Variants in NRXN3 observed in about 807,000 individuals in gnomAD.
NRXN3 encodes neurexin 3, also known as neurexin III.
In NRXN3, 32 loss-of-function variants were observed where a neutral mutation model predicts 137.6. That is an observed-to-expected ratio of 0.23 (90% CI 0.18 to 0.31). The LOEUF (loss-of-function observed/expected upper bound fraction) is 0.31. NRXN3 is among the 10% of genes least tolerant of loss of function. The probability of loss-of-function intolerance (pLI) is 1.00; values close to 1 mark genes in which losing one functional copy is unlikely to be tolerated. For missense variants in NRXN3, 1,574 were observed against 2,062.5 expected (o/e 0.76, Z 4.59); for synonymous variants, 798 against 784.5 (o/e 1.02, Z -0.29).
At position 79,803,367 on chromosome 14, in the gene NRXN3, G is replaced by A. The variant is rs146394633; in HGVS notation, c.4015-1745G>A. Among the ~76,000 whole-genome samples the A allele has an allele frequency of 1.1e-3, 171 of 152,224 alleles. 2 individuals are homozygous for A. The highest frequency in any genetic ancestry group is 1.9e-3 in the African/African-American group (77 of 41,546). On this transcript the variant is annotated intron_variant, in intron 19 of 20. Coordinates refer to ENST00000335750, the MANE Select transcript of NRXN3 (RefSeq NM_001330195.2). ...TTAGACAATAGAAATTTATTTCCTC[G>A]AAATTCTGGAGGCTAGAAGCCTGAA...
intron 6 of NRXN3, among the ~76,000 whole-genome samples, chr14:78,705,477 C>T (rs1172860018): frequency 1.3e-5 from 2 of 152,172 alleles, no homozygotes; most frequent in East Asian, 1.9e-4. Flanking sequence ...CCCTTGCCCT[C>T]CTGTCCTTTT....
At chr14:78,181,198 T>C (rs1055912754) in intron 1 of NRXN3, among the ~76,000 whole-genome samples, 2 of 152,232 alleles carry the variant, frequency 1.3e-5, no homozygotes, top group African/African-American at 4.8e-5. Context: ...GAATAACAGC[T>C]TTCAGACTTC....
At chr14:78,179,663 G>A (rs2059601426) in intron 1 of NRXN3, among the ~76,000 whole-genome samples, 2 of 152,128 alleles carry the variant, frequency 1.3e-5, no homozygotes, top group Non-Finnish European at 2.9e-5. Flanking sequence ...CCTACTTCTT[G>A]GGTGCCAGGG....
At chr14:79,781,933 C>T (rs2099115206) in intron 19 of NRXN3, among the ~76,000 whole-genome samples, 1 of 152,168 alleles carries the variant, frequency 6.6e-6, no homozygotes, top group African/African-American at 2.4e-5. Flanking sequence ...GCCTCAAATG[C>T]TTTGAAGCAG....
chr14:78,837,875 G>A (rs1264077480), intron 10 of NRXN3, among the ~76,000 whole-genome samples: 2 of 152,120 alleles, frequency 1.3e-5, no homozygotes, highest in African/African-American at 2.4e-5. Context: ...TTAGCCTTAT[G>A]TTGGATTAGA....
At chr14:78,565,139 G>A (rs1464761700) in intron 4 of NRXN3, among the ~76,000 whole-genome samples, 1 of 152,114 alleles carries the variant, frequency 6.6e-6, no homozygotes, top group Non-Finnish European at 1.5e-5. Context: ...CTTGAACATT[G>A]AAGATGCTCA....
chr14:79,017,290 G>T (rs970337625), intron 15 of NRXN3, among the ~76,000 whole-genome samples: 1 of 151,592 alleles, frequency 6.6e-6, no homozygotes, highest in African/African-American at 2.4e-5. Flanking sequence ...CCAAGCAACT[G>T]GTTCTGTTCA....
chr14:79,118,453 T>TGTGA (rs2054841527), intron 15 of NRXN3, among the ~76,000 whole-genome samples: 1 of 152,200 alleles, frequency 6.6e-6, no homozygotes, highest in Non-Finnish European at 1.5e-5. Flanking sequence ...TAAGTGTTGA[T>TGTGA]GTGAGAGTCC....
intron 15 of NRXN3, among the ~76,000 whole-genome samples, chr14:79,434,332 C>T (rs1425543636): frequency 6.6e-6 from 1 of 151,986 alleles, no homozygotes; most frequent in Middle Eastern, 3.4e-3. Flanking sequence ...AAAAATGAGA[C>T]CAATTCTTAA....
intron 15 of NRXN3, among the ~76,000 whole-genome samples, chr14:79,320,441 A>C (rs1377980831): frequency 1.3e-5 from 2 of 152,296 alleles, no homozygotes; most frequent in African/African-American, 4.8e-5. Flanking sequence ...TATGAAGCTC[A>C]TGATGATGTC....
chr14:78,952,234 T>A (rs1016816412), intron 10 of NRXN3, among the ~76,000 whole-genome samples: 1 of 99,956 alleles, frequency 1.0e-5, no homozygotes, highest in African/African-American at 6.3e-5. Context: ...ATTTAAAATG[T>A]TTTTTTTTTC....
intron 16 of NRXN3, among the ~76,000 whole-genome samples, chr14:79,519,516 C>T (rs2097037293): frequency 6.6e-6 from 1 of 151,842 alleles, no homozygotes; most frequent in South Asian, 2.1e-4. Context: ...GTTATTTTCT[C>T]CTGTCAATAT....
At chr14:78,871,428 G>T (rs2099101074) in intron 10 of NRXN3, among the ~76,000 whole-genome samples, 1 of 152,032 alleles carries the variant, frequency 6.6e-6, no homozygotes, top group African/African-American at 2.4e-5. Flanking sequence ...TACATGATAT[G>T]AAATTCACAG....
chr14:78,355,136 T>C (rs1165042897), intron 4 of NRXN3, among the ~76,000 whole-genome samples: 2 of 152,234 alleles, frequency 1.3e-5, no homozygotes, highest in African/African-American at 4.8e-5. Flanking sequence ...TTTCCTCATG[T>C]CCTTAACTAA....
intron 20 of NRXN3, among the ~76,000 whole-genome samples, chr14:79,829,023 C>T (rs1211056189): frequency 6.6e-6 from 1 of 152,162 alleles, no homozygotes; most frequent in Non-Finnish European, 1.5e-5. Context: ...CCTTCTTCCT[C>T]ACCATCACCC....
intron 4 of NRXN3, among the ~76,000 whole-genome samples, chr14:78,639,941 A>G (rs2097604933): frequency 6.6e-6 from 1 of 152,256 alleles, no homozygotes; most frequent in South Asian, 2.1e-4. Flanking sequence ...GTCCAGATGC[A>G]TGTAAATACC....
intron 10 of NRXN3, among the ~76,000 whole-genome samples, chr14:78,869,247 T>C (rs962537586): frequency 6.6e-6 from 1 of 152,180 alleles, no homozygotes; most frequent in Non-Finnish European, 1.5e-5. Flanking sequence ...ATTTTACCTT[T>C]AACCATTTCT....
rs1484051933 is a variant in NRXN3, at chr14:79,460,844, T to C, written c.3263-6377T>C. The stretch of plus-strand genomic sequence containing the variant: ...GCTTACTGAGCAGCAAATCTGCTCA[T>C]TTCTTTGCCAAGGAAAAAGAATGTT... On this transcript the variant is annotated intron_variant, in intron 15 of 20. Transcript: ENST00000335750. 2.0e-5 allele frequency among the ~76,000 whole-genome samples: 3 copies of C among 152,198 alleles called. No individual in the cohort carries two copies. In the East Asian group the frequency reaches 5.8e-4, roughly 29 times the overall value.
chr14:79,168,188 G>A (rs920740691), intron 15 of NRXN3, among the ~76,000 whole-genome samples: 4 of 152,028 alleles, frequency 2.6e-5, no homozygotes, highest in South Asian at 2.1e-4. Flanking sequence ...TCAATCCCAC[G>A]TTGGGGAAGA....
Sources: allele counts gnomAD v4.1 joint callset (sites outside exome capture counted in the v4.1 genomes callset), GRCh38; gene constraint gnomAD v4.1.1; transcripts MANE v1.5; gene names NCBI Gene and HGNC (gene_info 2026-07-23, HGNC 2026-07-21).